Variants in GLB1 observed in about 807,000 individuals in gnomAD.
GLB1 encodes galactosidase beta 1.
A neutral mutation model predicts 74.0 loss-of-function variants in GLB1; 56 were observed. The observed-to-expected ratio is 0.76, with a 90% CI of 0.61 to 0.94. The LOEUF (loss-of-function observed/expected upper bound fraction) is 0.94. GLB1 is among the 40% of genes least tolerant of loss of function. GLB1 has a pLI of 0.00. For missense variants in GLB1, 787 were observed against 845.5 expected (o/e 0.93, Z 0.86); for synonymous variants, 323 against 323.6 (o/e 1.00, Z 0.02).
At chr3:33,082,236 TTTCACA>T (rs1446554236) in intron 1 of GLB1, among the ~76,000 whole-genome samples, 202 of 151,872 alleles carry the variant, frequency 1.3e-3, no homozygotes, top group African/African-American at 4.7e-3. Flanking sequence ...CCCCAGTCCT[TTTCACA>T]GAGAGTCCAA....
intron 10 of GLB1, among the ~76,000 whole-genome samples, chr3:33,045,098 C>T (rs572976838): frequency 4.6e-5 from 7 of 152,268 alleles, no homozygotes; most frequent in Non-Finnish European, 8.8e-5. Context: ...TAATAGTTAA[C>T]GGCTACCACT....
At position 33,053,663 on chromosome 3, in the gene GLB1, T is replaced by C. The variant is rs1699095376; in HGVS notation, c.734-114A>G. ...AGCCCTGCTACGGTCAGAATGTTAG[T>C]ATCCCCCCAAAATTCTCATGTTGGA... On this transcript the variant is annotated intron_variant, in intron 6 of 15. Transcript: ENST00000307363. 3.6e-6 allele frequency: 5 copies of C among 1,384,442 alleles called. No individual in the cohort carries two copies. The Admixed American group carries it at 5.8e-5, about 16-fold the overall frequency. 85.8% of individuals were successfully genotyped at this position (1,384,442 alleles called of 1,614,324 possible).
intron 1 of GLB1, 112 bp downstream of exon 1, chr3:33,096,898 CG>C: frequency 6.6e-7 from 1 of 1,504,146 alleles, no homozygotes; most frequent in Non-Finnish European, 8.9e-7. Context: ...GGGGGCACTT[CG>C]GGGCTCAGGC....
chr3:33,048,091 C>T (rs1698814774), intron 9 of GLB1, among the ~76,000 whole-genome samples: 1 of 152,176 alleles, frequency 6.6e-6, no homozygotes, highest in Non-Finnish European at 1.5e-5. Context: ...ACTGCTTGCA[C>T]CTCAGGGGCA....
At chr3:33,094,363 A>ATG in intron 1 of GLB1, 1 of 1,382,298 alleles carries the variant, frequency 7.2e-7, no homozygotes, top group Admixed American at 3.2e-5. Context: ...TACCCATTCA[A>ATG]AACTCAAAGG....
chr3:33,015,893 G>A (rs1256629615), intron 14 of GLB1, among the ~76,000 whole-genome samples: 2 of 152,242 alleles, frequency 1.3e-5, no homozygotes, highest in African/African-American at 4.8e-5. Flanking sequence ...CGCGGAGGTT[G>A]AGCTCCCTGA....
chr3:33,062,993 G>C (rs111665739), intron 5 of GLB1, among the ~76,000 whole-genome samples: 2 of 152,168 alleles, frequency 1.3e-5, no homozygotes, highest in African/African-American at 2.4e-5. Flanking sequence ...GGATGAAACT[G>C]CTCCCACATG....
At chr3:32,982,036 G>A in the GLB1 span, among the ~76,000 whole-genome samples, 1 of 152,008 alleles carries the variant, frequency 6.6e-6, no homozygotes, top group African/African-American at 2.4e-5. Context: ...TGTTTCAGCC[G>A]GGTGCGGTGG....
chr3:33,016,432 T>C (rs985247948), intron 14 of GLB1, among the ~76,000 whole-genome samples: 3 of 152,280 alleles, frequency 2.0e-5, no homozygotes, highest in Middle Eastern at 3.4e-3. Flanking sequence ...TCATAGGTCA[T>C]TTTAATCTCC....
intron 6 of GLB1, among the ~76,000 whole-genome samples, chr3:33,057,149 G>A (rs1559404090): frequency 2.0e-5 from 3 of 152,212 alleles, no homozygotes. Flanking sequence ...AATGAGTTAT[G>A]AGATCTGGTT....
At chr3:32,988,835 G>T in the GLB1 span, among the ~76,000 whole-genome samples, 6 of 146,406 alleles carry the variant, frequency 4.1e-5, no homozygotes, top group Non-Finnish European at 9.1e-5. Flanking sequence ...CCTAACAACT[G>T]TTTTTTCCTG....
the GLB1 span, among the ~76,000 whole-genome samples, chr3:32,962,463 A>C: frequency 5.9e-5 from 9 of 152,308 alleles, no homozygotes; most frequent in African/African-American, 1.9e-4. Context: ...GTTTTTTGGA[A>C]ATCTAAAACT....
intron 1 of GLB1, chr3:33,092,419 A>G (rs970360934): frequency 3.0e-6 from 3 of 995,802 alleles, no homozygotes; most frequent in Non-Finnish European, 3.6e-6. Flanking sequence ...GAAACCACTT[A>G]AGTCCTAAAG....
At chr3:32,996,428 C>T (rs1046876611), downstream of GLB1, among the ~76,000 whole-genome samples, 1 of 152,156 alleles carries the variant, frequency 6.6e-6, no homozygotes, top group African/African-American at 2.4e-5. Flanking sequence ...AGATCTCTCA[C>T]CATTTTAGTG....
intron 14 of GLB1, among the ~76,000 whole-genome samples, chr3:33,015,885 C>T (rs932769505): frequency 2.6e-5 from 4 of 152,214 alleles, no homozygotes; most frequent in Non-Finnish European, 5.9e-5. Flanking sequence ...TCTCCTCTCG[C>T]GGAGGTTGAG....
At chr3:33,074,454 T>C (rs1013316234) in intron 1 of GLB1, among the ~76,000 whole-genome samples, 1 of 151,632 alleles carries the variant, frequency 6.6e-6, no homozygotes, top group African/African-American at 2.4e-5. Flanking sequence ...TTTTGTTATA[T>C]ATACATATGT....
the GLB1 span, among the ~76,000 whole-genome samples, chr3:32,962,542 C>T: frequency 6.6e-6 from 1 of 152,022 alleles, no homozygotes; most frequent in African/African-American, 2.4e-5. Flanking sequence ...TCCAATAATA[C>T]TGTTGAATAA....
At chr3:32,997,775 C>A (rs1696377227) in intron 15 of GLB1, among the ~76,000 whole-genome samples, 1 of 152,244 alleles carries the variant, frequency 6.6e-6, no homozygotes, top group East Asian at 1.9e-4. Context: ...TGAACTGCTT[C>A]CTTAAATAGA....
rs1242734974 is a variant in GLB1 at position 33,096,333 on chromosome 3, C to A, written c.75+678G>T. 4.2e-6 allele frequency: 4 copies of A among 953,436 alleles called. No individual in the cohort carries two copies. In the African/African-American group the frequency reaches 5.3e-5, roughly 13 times the overall value. The allele number at this position is 953,436 out of a possible 1,614,324, so 59.1% of individuals were successfully genotyped here. ...TCCCACCAACTGTGCACGCCCCGCA[C>A]CTCACCTATTCGCCTCGCCAGCCCT... On this transcript the variant is annotated intron_variant, in intron 1 of 15. Coordinates refer to ENST00000307363, the MANE Select transcript of GLB1 (RefSeq NM_000404.4).
Sources: allele counts gnomAD v4.1 joint callset (sites outside exome capture counted in the v4.1 genomes callset), GRCh38; gene constraint gnomAD v4.1.1; transcripts MANE v1.5; gene names NCBI Gene and HGNC (gene_info 2026-07-23, HGNC 2026-07-21).